Variants in TTC6 observed in about 807,000 individuals in gnomAD.
TTC6 encodes the protein tetratricopeptide repeat protein 6.
TTC6 carries 172 observed loss-of-function variants against 210.4 expected under a neutral mutation model. The ratio of observed to expected loss-of-function variants is 0.82; its 90% CI spans 0.72 to 0.93. TTC6 has a LOEUF of 0.93. TTC6 is among the 40% of genes least tolerant of loss of function. The pLI, the probability that TTC6 is intolerant of heterozygous loss-of-function variation, is 0.00. For synonymous variants in TTC6, 804 were observed against 819.6 expected, an observed-to-expected ratio of 0.98 and a Z score of 0.32; for missense variants, 2,414 against 2,318.1, an observed-to-expected ratio of 1.04 and a Z score of -0.85.
intron 1 of TTC6, among the ~76,000 whole-genome samples, chr14:37,670,063 T>C (rs2138469196): frequency 6.6e-6 from 1 of 152,348 alleles, no homozygotes; most frequent in Non-Finnish European, 1.5e-5. Flanking sequence ...CAATCACTCT[T>C]CATCTTAATT....
chr14:37,705,083 G>C (rs1185090991), intron 5 of TTC6, among the ~76,000 whole-genome samples: 1 of 152,012 alleles, frequency 6.6e-6, no homozygotes, highest in East Asian at 1.9e-4. Flanking sequence ...TGGCAAAAAT[G>C]CTGTCCTACA....
chr14:37,707,688 G>C (rs1284013333), intron 5 of TTC6, among the ~76,000 whole-genome samples: 2 of 151,908 alleles, frequency 1.3e-5, no homozygotes, highest in African/African-American at 4.8e-5. Flanking sequence ...TGTTCTTCCT[G>C]TCACTTTTTG....
intron 2 of TTC6, among the ~76,000 whole-genome samples, chr14:37,616,739 C>CAA (rs11416796): frequency 0.018 from 1,790 of 98,132 alleles, 33 homozygotes; most frequent in Non-Finnish European, 0.028. Context: ...TACTCCATCT[C>CAA]AAAAAAAAAA....
At chr14:37,681,966 T>C (rs1162006603) in intron 2 of TTC6, among the ~76,000 whole-genome samples, 1 of 152,100 alleles carries the variant, frequency 6.6e-6, no homozygotes, top group Non-Finnish European at 1.5e-5. Context: ...TAGCTGTTTG[T>C]GGCCAATGGG....
intron 1 of TTC6, among the ~76,000 whole-genome samples, chr14:37,661,941 A>G (rs1306980559): frequency 6.6e-6 from 1 of 152,018 alleles, no homozygotes; most frequent in Non-Finnish European, 1.5e-5. Flanking sequence ...TGTGAATGGG[A>G]GTTCATTCAT....
At chr14:37,605,041 A>G (rs1192206536) in intron 1 of TTC6, among the ~76,000 whole-genome samples, 1 of 152,230 alleles carries the variant, frequency 6.6e-6, no homozygotes, top group Non-Finnish European at 1.5e-5. Flanking sequence ...TTCCAATATT[A>G]AAGACTTAAA....
chr14:37,726,122 T>C, intron 7 of TTC6, among the ~76,000 whole-genome samples: 1 of 152,188 alleles, frequency 6.6e-6, no homozygotes, highest in East Asian at 1.9e-4. Context: ...ATTTCAGTGA[T>C]GAGCATCATT....
At chr14:37,813,551 C>T (rs906952022) in intron 25 of TTC6, among the ~76,000 whole-genome samples, 2 of 152,068 alleles carry the variant, frequency 1.3e-5, no homozygotes, top group African/African-American at 4.8e-5. Flanking sequence ...TGCTACACAC[C>T]GGGTCCTCAA....
At chr14:37,742,527 A>C (rs1456553739) in intron 10 of TTC6, among the ~76,000 whole-genome samples, 1 of 150,674 alleles carries the variant, frequency 6.6e-6, no homozygotes, top group African/African-American at 2.4e-5. Flanking sequence ...CTCCCACTTC[A>C]TCATCTCAAG....
chr14:37,668,170 C>T lies in TTC6; in HGVS notation c.940-11981C>T, dbSNP rs556147424. 7.3e-4 allele frequency among the ~76,000 whole-genome samples: 109 copies of T among 150,162 alleles called. 2 individuals carry two copies. Among genetic ancestry groups the T allele is most frequent in the African/African-American group, 2.5e-3 (103 of 41,342 alleles). On this transcript the variant is annotated intron_variant, in intron 1 of 30. Coordinates refer to ENST00000553443, the Ensembl canonical transcript of TTC6. ...AATTTGGCTGGATACCTCCTGACTG[C>T]AGGATATAGTCGAATTCCAAACCGT...
At chr14:37,710,741 T>C (rs1051309656) in intron 5 of TTC6, among the ~76,000 whole-genome samples, 3 of 152,154 alleles carry the variant, frequency 2.0e-5, no homozygotes, top group Admixed American at 6.5e-5. Flanking sequence ...AGGCTCACTC[T>C]TTCCACTATA....
At chr14:37,623,557 C>G (rs1473068735) in intron 1 of TTC6, among the ~76,000 whole-genome samples, 3 of 152,152 alleles carry the variant, frequency 2.0e-5, no homozygotes, top group Admixed American at 6.5e-5. Context: ...GTGTGCCAAA[C>G]TCTATGGGAC....
At chr14:37,668,479 G>A (rs2095752425) in intron 1 of TTC6, among the ~76,000 whole-genome samples, 1 of 150,306 alleles carries the variant, frequency 6.7e-6, no homozygotes, top group Non-Finnish European at 1.5e-5. Context: ...TTATCCCCCT[G>A]GAACTAGTGG....
At chr14:37,762,036 A>G (rs1433214640) in intron 14 of TTC6, among the ~76,000 whole-genome samples, 1 of 152,050 alleles carries the variant, frequency 6.6e-6, no homozygotes, top group Non-Finnish European at 1.5e-5. Context: ...GCCTCTATAT[A>G]TTTGTTTTAG....
intron 3 of TTC6, among the ~76,000 whole-genome samples, chr14:37,691,222 C>T (rs549572060): frequency 9.2e-5 from 14 of 152,058 alleles, no homozygotes; most frequent in East Asian, 7.8e-4. Context: ...TCCAGCTACT[C>T]GGGAGGCTGA....
At chr14:37,832,329 C>CTTTTTTTTTTTTTTT (rs58133834) in intron 29 of TTC6, among the ~76,000 whole-genome samples, 5 of 68,916 alleles carry the variant, frequency 7.3e-5, no homozygotes, top group Admixed American at 1.7e-4. Flanking sequence ...TTCTTTCTCT[C>CTTTTTTTTTTTTTTT]TTTTTTTTTT....
chr14:37,597,035 G>A (rs563131379), intron 1 of TTC6, among the ~76,000 whole-genome samples: 2 of 150,406 alleles, frequency 1.3e-5, no homozygotes, highest in African/African-American at 2.4e-5. Flanking sequence ...CAAAAAGGGT[G>A]GGGGGGTAGA....
chr14:37,645,010 C>T (rs957925706), intron 1 of TTC6, among the ~76,000 whole-genome samples: 2 of 152,124 alleles, frequency 1.3e-5, no homozygotes, highest in African/African-American at 4.8e-5. Context: ...GTTAAATAGG[C>T]TGCATTTAAA....
intron 2 of TTC6, among the ~76,000 whole-genome samples, chr14:37,610,690 C>T (rs1018146736): frequency 2.0e-5 from 3 of 152,206 alleles, no homozygotes; most frequent in African/African-American, 7.2e-5. Context: ...CCTGCCCACT[C>T]ACCATCACCG....
Sources: allele counts gnomAD v4.1 joint callset (sites outside exome capture counted in the v4.1 genomes callset), GRCh38; gene constraint gnomAD v4.1.1; transcripts MANE v1.5; gene names NCBI Gene and HGNC (gene_info 2026-07-23, HGNC 2026-07-21).